USP3: variants seen among roughly 807,000 people sequenced by gnomAD.
The protein encoded by USP3 is ubiquitin specific peptidase 3, also known as ubiquitin carboxyl-terminal hydrolase 3.
In USP3, 20 loss-of-function variants were observed where a neutral mutation model predicts 72.3. The ratio of observed to expected loss-of-function variants is 0.28; its 90% CI spans 0.19 to 0.40. The LOEUF is 0.40. Among genes scored for constraint, USP3 ranks in the 10% least tolerant of loss-of-function variants. The pLI is 1.00. For synonymous variants in USP3, 222 were observed against 225.3 expected (o/e 0.99, Z 0.13); for missense variants, 479 against 633.9 (o/e 0.76, Z 2.62).
intron 1 of USP3, among the ~76,000 whole-genome samples, chr15:63,530,293 C>CCCTT (rs1341953991): frequency 6.8e-5 from 9 of 132,504 alleles, no homozygotes; most frequent in South Asian, 2.7e-4. Flanking sequence ...CTCCTTCCCT[C>CCCTT]CCTTCCTTCC....
intron 3 of USP3, among the ~76,000 whole-genome samples, chr15:63,547,802 CATAGAGAGAGGCAT>C (rs2066363971): frequency 1.3e-4 from 2 of 15,528 alleles, no homozygotes; most frequent in South Asian, 2.2e-3. Flanking sequence ...GAGAGAGAGG[CATAGAGAGAGGCAT>C]AGAGAGAGAG....
At chr15:63,582,929 T>TA (rs2066989248) in intron 11 of USP3, among the ~76,000 whole-genome samples, 1 of 152,214 alleles carries the variant, frequency 6.6e-6, no homozygotes, top group African/African-American at 2.4e-5. Context: ...GAAATGTTGA[T>TA]AGATTCTTTC....
chr15:63,558,965 T>C (rs1334798731), intron 6 of USP3, among the ~76,000 whole-genome samples: 1 of 152,214 alleles, frequency 6.6e-6, no homozygotes, highest in Admixed American at 6.5e-5. Flanking sequence ...AGGGCTAGAT[T>C]TGGCCTGTGG....
chr15:63,544,265 G>A lies in USP3; in HGVS notation c.284+7109G>A, dbSNP rs2066288546. The stretch of plus-strand genomic sequence containing the variant: ...AGGGTAGTGGATACTCAGTTTTGTG[G>A]TTTATTTTTTAACTTGATTAGGAAG... On this transcript the variant is annotated intron_variant, in intron 3 of 14. Coordinates refer to ENST00000380324, the MANE Select transcript of USP3 (RefSeq NM_006537.4). The surrounding 1 kb of genome is among the most constrained non-coding windows in gnomAD (Gnocchi z 4.2). 6.5e-6 allele frequency: 1 copy of A among 152,996 alleles called. No individual in the cohort carries two copies. Among genetic ancestry groups the A allele is most frequent in the East Asian group, 1.9e-4 (1 of 5,272 alleles). The allele number at this position is 152,996 out of a possible 1,614,324, so 9.5% of individuals were successfully genotyped here. A position where few individuals can be genotyped will look rare whatever the true frequency, so the allele number is the denominator to read the frequency against.
intron 7 of USP3, 94 bp downstream of exon 7, chr15:63,560,064 C>T: frequency 1.0e-6 from 1 of 979,872 alleles, no homozygotes; most frequent in Non-Finnish European, 1.5e-6. Flanking sequence ...CTAACAGGCA[C>T]ATGCCTTAAA....
chr15:63,524,130 A>T (rs2065950336), intron 1 of USP3, among the ~76,000 whole-genome samples: 1 of 152,232 alleles, frequency 6.6e-6, no homozygotes. Flanking sequence ...TAGAGGTGGC[A>T]CATCTAGATT....
intron 7 of USP3, 46 bp downstream of exon 7, chr15:63,560,016 A>C: frequency 6.5e-7 from 1 of 1,531,176 alleles, no homozygotes; most frequent in Non-Finnish European, 8.9e-7. Context: ...TTACAAAACA[A>C]ATTACTTTCA....
chr15:63,550,928 G>C (rs983662132), intron 3 of USP3, among the ~76,000 whole-genome samples: 1 of 152,150 alleles, frequency 6.6e-6, no homozygotes, highest in African/African-American at 2.4e-5. Context: ...AGGCTGAGGT[G>C]GGAGGATCGC....
Position 63,588,914 on chromosome 15 carries a change from G to A in USP3, c.1330-30G>A. The A allele has an allele frequency of 6.2e-7, 1 of 1,613,948 alleles. No individual in the cohort carries two copies. Among genetic ancestry groups the A allele is most frequent in the Non-Finnish European group, 8.5e-7 (1 of 1,179,872 alleles). On this transcript the variant is annotated intron_variant, in intron 13 of 14. Coordinates refer to ENST00000380324, the MANE Select transcript of USP3 (RefSeq NM_006537.4). The surrounding 1 kb of genome is among the most constrained non-coding windows in gnomAD (Gnocchi z 4.6). ...AGGTCATCGAGATACTGATGTCATT[G>A]ACCACTGCTCCTTCTTCCTTGTTCT...
At chr15:63,538,893 A>G (rs1474574038) in intron 3 of USP3, among the ~76,000 whole-genome samples, 1 of 152,102 alleles carries the variant, frequency 6.6e-6, no homozygotes, top group African/African-American at 2.4e-5. Context: ...TCAGATCACT[A>G]CTGTTTTTAG....
At chr15:63,575,717 G>A (rs886927214) in intron 11 of USP3, among the ~76,000 whole-genome samples, 1 of 152,110 alleles carries the variant, frequency 6.6e-6, no homozygotes, top group African/African-American at 2.4e-5. Context: ...TTTTTGGCCT[G>A]TTTGAGATTA....
rs1173596909 is a variant in USP3 at position 63,529,130 on chromosome 15, C to T, written c.92-3517C>T. 3 of 1,116,994 alleles carry T rather than the reference C, an allele frequency of 2.7e-6. No homozygotes were observed. Among genetic ancestry groups the T allele is most frequent in the Non-Finnish European group, 3.6e-6 (3 of 832,148 alleles). The allele number at this position is 1,116,994 out of a possible 1,614,324, so 69.2% of individuals were successfully genotyped here. ...TCTTCTGCCTCAGCCTCCCAAGTAGCTGGGACTACAGATGCAATCACCACC... is the reference window on the plus strand; with the variant it reads ...TCTTCTGCCTCAGCCTCCCAAGTAGTTGGGACTACAGATGCAATCACCACC... On this transcript the variant is annotated intron_variant, in intron 1 of 14. Coordinates refer to ENST00000380324, the MANE Select transcript of USP3 (RefSeq NM_006537.4). This position sits in a 1 kb window ranked among gnomAD's most constrained non-coding sequence, Gnocchi z 4.2.
chr15:63,524,188 A>G (rs1246196261), intron 1 of USP3, among the ~76,000 whole-genome samples: 1 of 152,246 alleles, frequency 6.6e-6, no homozygotes, highest in African/African-American at 2.4e-5. Context: ...AGTCCAAAGG[A>G]CAGTGGCAGC....
intron 8 of USP3, among the ~76,000 whole-genome samples, chr15:63,565,642 GTGTTTA>G (rs2066677543): frequency 6.6e-6 from 1 of 152,210 alleles, no homozygotes; most frequent in Admixed American, 6.5e-5. Flanking sequence ...GTGTGTGTGT[GTGTTTA>G]TGTCATTTTT....
intron 5 of USP3, among the ~76,000 whole-genome samples, 174 bp from the exon 6 acceptor site, chr15:63,557,932 T>C (rs995507530): frequency 6.6e-6 from 1 of 152,190 alleles, no homozygotes; most frequent in Non-Finnish European, 1.5e-5. Context: ...TCTAAAAATA[T>C]CCAGACATTT....
Position 63,529,462 on chromosome 15 carries a change from C to T in USP3, c.92-3185C>T, listed in dbSNP as rs1336424381. Among the ~76,000 whole-genome samples the T allele has an allele frequency of 6.6e-6, 1 of 152,054 alleles. No individual in the cohort carries two copies. Among genetic ancestry groups the T allele is most frequent in the East Asian group, 1.9e-4 (1 of 5,198 alleles). ...CAAAATAAACTCTATACCAATTAAA[C>T]AGTTACTTCCCATTCTCTTGACCCC... On this transcript the variant is annotated intron_variant, in intron 1 of 14. Coordinates refer to ENST00000380324, the MANE Select transcript of USP3 (RefSeq NM_006537.4). This position sits in a 1 kb window ranked among gnomAD's most constrained non-coding sequence, Gnocchi z 4.2.
chr15:63,579,464 C>T (rs1032277395), intron 11 of USP3, among the ~76,000 whole-genome samples: 7 of 151,944 alleles, frequency 4.6e-5, no homozygotes, highest in Non-Finnish European at 8.8e-5. Flanking sequence ...ATCAGTGGGA[C>T]GAATAAGAAA....
intron 1 of USP3, among the ~76,000 whole-genome samples, chr15:63,514,779 T>C (rs1276342353): frequency 3.3e-5 from 5 of 152,184 alleles, no homozygotes; most frequent in Admixed American, 1.3e-4. Flanking sequence ...GCAACTATTA[T>C]TTTGAAATAA....
At chr15:63,580,676 T>TATAAG (rs1437047484) in intron 11 of USP3, among the ~76,000 whole-genome samples, 1 of 100,938 alleles carries the variant, frequency 9.9e-6, no homozygotes, top group African/African-American at 4.5e-5. Context: ...TATATGAATA[T>TATAAG]ATAATATATA....
Sources: gnomAD v4.1 joint callset for allele counts (sites outside exome capture counted in the v4.1 genomes callset) on GRCh38, gnomAD v4.1.1 for gene constraint, Gnocchi (gnomAD v3.1) non-coding constraint, MANE v1.5 for transcripts, NCBI Gene and HGNC (gene_info 2026-07-23, HGNC 2026-07-21) for gene names.